WDFY3: variants seen among roughly 807,000 people sequenced by gnomAD.
WDFY3 encodes WD repeat and FYVE domain containing 3.
Under a neutral mutation model 409.6 loss-of-function variants are expected in WDFY3, and 66 were observed. The ratio of observed to expected loss-of-function variants is 0.16; its 90% confidence interval spans 0.13 to 0.20. The LOEUF (loss-of-function observed/expected upper bound fraction) is 0.20, where lower values mean the gene tolerates loss of function less well. Ranked by LOEUF, WDFY3 falls within the 10% of genes least tolerant of loss-of-function variation. WDFY3 has a pLI of 1.00. For missense variants in WDFY3, 3,031 were observed against 4,298.1 expected, an observed-to-expected ratio of 0.71 and a Z score of 8.24; for synonymous variants, 1,521 against 1,537.1, an observed-to-expected ratio of 0.99 and a Z score of 0.25.
intron 36 of WDFY3, among the ~76,000 whole-genome samples, chr4:84,746,232 G>C (rs1415986766): frequency 6.6e-6 from 1 of 151,044 alleles, no homozygotes; most frequent in Non-Finnish European, 1.5e-5. Context: ...TGGGAGGATT[G>C]ATTGACCTCA....
chr4:84,867,417 TAGTA>T (rs1317468198), intron 3 of WDFY3, among the ~76,000 whole-genome samples: 6 of 152,170 alleles, frequency 3.9e-5, no homozygotes, highest in African/African-American at 1.2e-4. Flanking sequence ...ATTTTAATGT[TAGTA>T]AGCGTTTTCA....
At chr4:84,745,974 A>G (rs954711451) in intron 36 of WDFY3, among the ~76,000 whole-genome samples, 3 of 151,990 alleles carry the variant, frequency 2.0e-5, no homozygotes, top group African/African-American at 7.2e-5. Flanking sequence ...CTAAGGAATA[A>G]AGCTGTCCAG....
intron 3 of WDFY3, among the ~76,000 whole-genome samples, chr4:84,877,232 C>G (rs1203031604): frequency 6.6e-6 from 1 of 152,224 alleles, no homozygotes; most frequent in Non-Finnish European, 1.5e-5. Flanking sequence ...TGCACGCACC[C>G]TGAGCCCTCT....
chr4:84,907,868 G>C (rs1767251792), intron 2 of WDFY3, among the ~76,000 whole-genome samples: 1 of 152,042 alleles, frequency 6.6e-6, no homozygotes, highest in African/African-American at 2.4e-5. Flanking sequence ...GCTCTAAACG[G>C]ATAAATAGAA....
chr4:84,859,099 C>T (rs573436651), intron 4 of WDFY3, among the ~76,000 whole-genome samples: 7 of 151,136 alleles, frequency 4.6e-5, no homozygotes, highest in Admixed American at 2.0e-4. Context: ...GGAAAAAGAG[C>T]GAGAGAAGGG....
At chr4:84,747,002 C>T (rs1392862111) in intron 36 of WDFY3, among the ~76,000 whole-genome samples, 2 of 152,160 alleles carry the variant, frequency 1.3e-5, no homozygotes, top group Non-Finnish European at 2.9e-5. Context: ...AAGAGCAAAT[C>T]TGCAAAGTGT....
At chr4:84,830,403 C>A (rs1755529476) in intron 8 of WDFY3, among the ~76,000 whole-genome samples, 1 of 152,076 alleles carries the variant, frequency 6.6e-6, no homozygotes, top group Non-Finnish European at 1.5e-5. Flanking sequence ...TGATCTTACC[C>A]AACTATAGGC....
intron 30 of WDFY3, among the ~76,000 whole-genome samples, chr4:84,766,670 A>G (rs1743701305): frequency 6.6e-6 from 1 of 152,240 alleles, no homozygotes; most frequent in Non-Finnish European, 1.5e-5. Flanking sequence ...AATGAGGACC[A>G]TGTGAATAAA....
At chr4:84,770,598 T>C (rs1367959348) in intron 30 of WDFY3, among the ~76,000 whole-genome samples, 1 of 152,184 alleles carries the variant, frequency 6.6e-6, no homozygotes, top group East Asian at 1.9e-4. Flanking sequence ...CTGTAAACTG[T>C]CCTTTAAAAT....
chr4:84,819,470 T>C (rs190060681), intron 12 of WDFY3, among the ~76,000 whole-genome samples: 20 of 152,176 alleles, frequency 1.3e-4, no homozygotes, highest in Admixed American at 5.2e-4. Context: ...CCTCTCAAGT[T>C]GTACTGAACT....
intron 64 of WDFY3, among the ~76,000 whole-genome samples, chr4:84,679,610 A>G (rs964663338): frequency 2.6e-5 from 4 of 152,034 alleles, no homozygotes; most frequent in African/African-American, 9.7e-5. Flanking sequence ...GCTTCTTCAC[A>G]TGCTGCTGGT....
chr4:84,823,504 A>G (rs897811970), intron 10 of WDFY3, among the ~76,000 whole-genome samples: 2 of 152,104 alleles, frequency 1.3e-5, no homozygotes, highest in Admixed American at 1.3e-4. Flanking sequence ...AAAAACCAGC[A>G]AGTCAAAACT....
At position 84,820,114 on chromosome 4, in the gene WDFY3, A is replaced by G; in HGVS notation, c.1664T>C (p.Val555Ala). 6.2e-7 allele frequency: 1 copy of G among 1,603,556 alleles called. No homozygotes were observed. Among genetic ancestry groups the G allele is most frequent in the Non-Finnish European group, 8.5e-7 (1 of 1,174,026 alleles). The change falls in exon 12 of 68, where the codon GTG becomes GCG. Residue 555 changes from valine to alanine, a missense_variant. Coordinates refer to ENST00000295888, the MANE Select transcript of WDFY3 (RefSeq NM_014991.6). ...ATTTGTGTTTGATCCTTGAAGAAGC[A>G]CTGTCAAGGTCTCCATAACCAATAA... ...LALLVMETLT[V>A]LLQGSNTNAG... is the part of the protein sequence containing the mutation.
At chr4:84,856,921 C>A (rs1287835221) in intron 4 of WDFY3, among the ~76,000 whole-genome samples, 1 of 151,776 alleles carries the variant, frequency 6.6e-6, no homozygotes, top group Admixed American at 6.6e-5. Context: ...GCACAAACGG[C>A]CAAATGTTAA....
In WDFY3 at chr4:84,860,615, T is replaced by C. The variant is rs768838159; in HGVS notation, c.-24A>G. The C allele has an allele frequency of 6.4e-7, 1 of 1,574,216 alleles. No individual in the cohort carries two copies. Among genetic ancestry groups the C allele is most frequent in the East Asian group, 2.3e-5 (1 of 43,874 alleles). On this transcript the variant is annotated 5_prime_UTR_variant, in exon 4 of 68. Transcript: ENST00000295888. ...ATCTTGGCTGGTTGGTGAGACGCAC[T>C]TCTAATTCTGTAGGAAAATGTCAAT...
At chr4:84,784,690 C>T (rs1747150270) in intron 24 of WDFY3, among the ~76,000 whole-genome samples, 1 of 150,760 alleles carries the variant, frequency 6.6e-6, no homozygotes, top group Non-Finnish European at 1.5e-5. Flanking sequence ...ATACAAAAAT[C>T]AGTTGGGCAT....
chr4:84,831,511 C>A lies in WDFY3; in HGVS notation c.671G>T (p.Cys224Phe). 1 of 1,614,058 alleles carries A rather than the reference C, an allele frequency of 6.2e-7. No homozygotes were observed. The highest frequency in any genetic ancestry group is 8.5e-7 in the Non-Finnish European group (1 of 1,179,972). The change falls in exon 8 of 68, where the codon TGC (cysteine) becomes TTC (phenylalanine). Residue 224 changes from cysteine (C) to phenylalanine (F), a missense_variant. Coordinates refer to ENST00000295888, the MANE Select transcript of WDFY3 (RefSeq NM_014991.6). ...TCTCCAAGGCAGGTTATAGGGAGGG[C>A]ACCAAGAGGTTATTGCACTGAATAG... ...QLLFSAITSW[C>F]PPYNLPWRKS...
rs186121831 is a variant in WDFY3, at chr4:84,896,319, C to T, written c.-32+592G>A. On this transcript the variant is annotated intron_variant, in intron 3 of 67. Coordinates refer to ENST00000295888, the MANE Select transcript of WDFY3 (RefSeq NM_014991.6). ...AATGTAAAGCAAAAAAATCCCAGGA[C>T]ATGAGTTCAAGAGAGGAAAATCAGA... Among the ~76,000 whole-genome samples the T allele has an allele frequency of 1.8e-4, 27 of 151,990 alleles. No homozygotes were observed. In the East Asian group the frequency reaches 5.0e-3, roughly 28 times the overall value.
In WDFY3 at chr4:84,729,832, A is replaced by T. The variant is rs1736292471; in HGVS notation, c.7222-2921T>A. 2.6e-5 allele frequency among the ~76,000 whole-genome samples: 4 copies of T among 152,212 alleles called. No individual in the cohort carries two copies. The South Asian group carries it at 8.3e-4, about 32-fold the overall frequency. On this transcript the variant is annotated intron_variant, in intron 44 of 67. Transcript: ENST00000295888. ...CTGAGAAATAATAATTATTTTAATCAATAAGGCAAAAGATCAAATCATTTG... is the reference window on the plus strand; with the variant it reads ...CTGAGAAATAATAATTATTTTAATCTATAAGGCAAAAGATCAAATCATTTG...
Sources: gnomAD v4.1 joint callset for allele counts (sites outside exome capture counted in the v4.1 genomes callset) on GRCh38, gnomAD v4.1.1 for gene constraint, MANE v1.5 for transcripts, NCBI Gene and HGNC (gene_info 2026-07-23, HGNC 2026-07-21) for gene names.